FOXP1: variants seen among roughly 807,000 people sequenced by gnomAD.
FOXP1 encodes forkhead box P1.
A neutral mutation model predicts 98.2 loss-of-function variants in FOXP1; 15 were observed. The ratio of observed to expected loss-of-function variants is 0.15; its 90% CI spans 0.10 to 0.24. The LOEUF (loss-of-function observed/expected upper bound fraction) is 0.24, where lower values mean the gene tolerates loss of function less well. FOXP1 is among the 10% of genes least tolerant of loss of function. FOXP1 has a pLI of 1.00. For missense variants in FOXP1, 633 were observed against 848.5 expected, an observed-to-expected ratio of 0.75 and a Z score of 3.15; for synonymous variants, 371 against 314.5, an observed-to-expected ratio of 1.18 and a Z score of -1.90.
chr3:71,039,236 T>A (rs2048008998), intron 11 of FOXP1, among the ~76,000 whole-genome samples: 1 of 152,180 alleles, frequency 6.6e-6, no homozygotes, highest in Admixed American at 6.5e-5. Context: ...CATTGGAATC[T>A]GAATTCTTTT....
intron 3 of FOXP1, among the ~76,000 whole-genome samples, chr3:71,449,891 A>C (rs771551623): frequency 6.6e-6 from 1 of 152,232 alleles, no homozygotes; most frequent in Non-Finnish European, 1.5e-5. Flanking sequence ...AATCTCACAT[A>C]GGTCTATGAA....
chr3:71,430,834 G>A (rs2084642321), intron 3 of FOXP1, among the ~76,000 whole-genome samples: 1 of 152,126 alleles, frequency 6.6e-6, no homozygotes, highest in Non-Finnish European at 1.5e-5. Flanking sequence ...GAGGCGGCGG[G>A]GGGCAGGCCC....
In FOXP1 at chr3:71,182,047, A is replaced by AG. The variant is rs1270873332; in HGVS notation, c.180+16154_180+16155insC. On this transcript the variant is annotated intron_variant, in intron 6 of 20. Coordinates refer to ENST00000649528, the MANE Select transcript of FOXP1 (RefSeq NM_001349338.3). ...GAGACTCCATCTCAAAAAAAAGAAA[A>AG]AAAAGAAAAAAAAAGAAAAAGAAAA... is the stretch of plus-strand genomic sequence containing the variant. Among the ~76,000 whole-genome samples the AG allele has an allele frequency of 4.1e-4, 49 of 118,436 alleles. 3 individuals carry two copies. The highest frequency in any genetic ancestry group is 1.4e-3 in the African/African-American group (41 of 28,782). 77.7% of individuals were successfully genotyped at this position (118,436 alleles called of 152,430 possible).
At chr3:71,338,548 C>T (rs538828491) in intron 4 of FOXP1, among the ~76,000 whole-genome samples, 50 of 152,296 alleles carry the variant, frequency 3.3e-4, no homozygotes, top group African/African-American at 1.2e-3. Flanking sequence ...CTGCCCCAGC[C>T]TCCCAAGTAG....
chr3:71,079,507 A>G (rs2054184526), intron 7 of FOXP1, among the ~76,000 whole-genome samples: 2 of 152,058 alleles, frequency 1.3e-5, no homozygotes, highest in African/African-American at 4.8e-5. Context: ...GACACAGACA[A>G]TTTCTATTAT....
intron 2 of FOXP1, among the ~76,000 whole-genome samples, chr3:71,506,643 G>A (rs1340648847): frequency 1.3e-5 from 2 of 152,126 alleles, no homozygotes; most frequent in East Asian, 3.9e-4. Context: ...CCTAGGACAA[G>A]AGCAGGAAGC....
chr3:71,052,541 T>C lies in FOXP1; in HGVS notation c.506A>G (p.Lys169Arg). Residue 169 changes from lysine (K) to arginine (R), a missense_variant, in exon 9 of 21, where the codon AAA becomes AGA. Coordinates refer to ENST00000649528, the MANE Select transcript of FOXP1 (RefSeq NM_001349338.3). ...LQQQHAGKQP[K>R]EQQQVATQQL... ...TAAAATATGTATTGTCGGTACCTCT[T>C]TAGGCTGTTTTCCAGCATGTTGTTG... is the stretch of plus-strand genomic sequence containing the variant. The C allele has an allele frequency of 8.0e-7, 1 of 1,243,706 alleles. No individual in the cohort carries two copies. The highest frequency in any genetic ancestry group is 1.2e-5 in the South Asian group (1 of 83,702). 77.0% of individuals were successfully genotyped at this position (1,243,706 alleles called of 1,614,324 possible). A position where few individuals can be genotyped will look rare whatever the true frequency, so the allele number is the denominator to read the frequency against.
chr3:70,995,321 C>T (rs183039352), intron 13 of FOXP1, among the ~76,000 whole-genome samples: 2 of 152,280 alleles, frequency 1.3e-5, no homozygotes, highest in East Asian at 1.9e-4. Context: ...TCCTCAACAA[C>T]TTTCTAGTTC....
chr3:71,341,271 AGAAAT>A (rs1225990402), intron 4 of FOXP1, among the ~76,000 whole-genome samples: 2 of 152,260 alleles, frequency 1.3e-5, no homozygotes, highest in African/African-American at 4.8e-5. Context: ...CCAATTACAA[AGAAAT>A]GAAATTAGAA....
chr3:71,319,811 C>T (rs184798658), intron 4 of FOXP1, among the ~76,000 whole-genome samples: 2 of 152,306 alleles, frequency 1.3e-5, no homozygotes, highest in East Asian at 1.9e-4. Context: ...CAACCTTCTT[C>T]AGCACCCTCT....
chr3:71,233,971 C>A (rs1299999246), intron 5 of FOXP1, among the ~76,000 whole-genome samples: 1 of 152,020 alleles, frequency 6.6e-6, no homozygotes, highest in Non-Finnish European at 1.5e-5. Flanking sequence ...CCGTTATTAT[C>A]TGGGGTGGGA....
intron 13 of FOXP1, among the ~76,000 whole-genome samples, chr3:70,995,345 C>T (rs1378302276): frequency 6.6e-6 from 1 of 152,080 alleles, no homozygotes; most frequent in African/African-American, 2.4e-5. Flanking sequence ...TGTCTCTGTC[C>T]CTCTGTCATG....
intron 11 of FOXP1, among the ~76,000 whole-genome samples, chr3:71,032,911 G>A (rs2047064820): frequency 6.6e-6 from 1 of 152,046 alleles, no homozygotes; most frequent in African/African-American, 2.4e-5. Flanking sequence ...TGCACTTTTG[G>A]TTGGTTTCAA....
intron 7 of FOXP1, among the ~76,000 whole-genome samples, chr3:71,106,612 T>C (rs2687767): frequency 0.97 from 147,204 of 151,568 alleles, 71,519 homozygotes; most frequent in South Asian, 0.99. Context: ...GCGTGAGCCA[T>C]TGCACCCGGC....
rs1484747848 is a variant in FOXP1 at position 71,396,920 on chromosome 3, A to G, written c.-167-37676T>C. On this transcript the variant is annotated intron_variant, in intron 3 of 20. Transcript: ENST00000649528. Reference sequence around the variant, plus strand: ...TCATAAGGAACATATATATGTGTGTATATATATATATATACACATATATAT... The same window carrying G: ...TCATAAGGAACATATATATGTGTGTGTATATATATATATACACATATATAT... Among the ~76,000 whole-genome samples, 50 of 80,278 alleles carry G rather than the reference A, an allele frequency of 6.2e-4. 1 individual carries two copies. The highest frequency in any genetic ancestry group is 2.6e-3 in the East Asian group (12 of 4,640). The allele number at this position is 80,278 out of a possible 152,430, so 52.7% of individuals were successfully genotyped here.
chr3:71,177,353 A>G (rs769305652), intron 6 of FOXP1, among the ~76,000 whole-genome samples: 3 of 152,252 alleles, frequency 2.0e-5, no homozygotes, highest in Non-Finnish European at 4.4e-5. Context: ...GCTGCTGTCT[A>G]TGGGAATACT....
rs144090603 is a variant in FOXP1 at position 71,529,891 on chromosome 3, T to C, written c.-297-36336A>G. 3.4e-3 allele frequency among the ~76,000 whole-genome samples: 514 copies of C among 152,278 alleles called. 1 individual carries two copies. The highest frequency in any genetic ancestry group is 0.011 in the African/African-American group (465 of 41,538). On this transcript the variant is annotated intron_variant, in intron 2 of 20. Coordinates refer to ENST00000649528, the MANE Select transcript of FOXP1 (RefSeq NM_001349338.3). ...TAAACCTAAGTGTTTCCTAGAGTTG[T>C]GTAAGCTATTCTAATTAGTGACTGA...
intron 3 of FOXP1, among the ~76,000 whole-genome samples, chr3:71,456,181 T>C (rs2087474329): frequency 6.6e-6 from 1 of 152,176 alleles, no homozygotes; most frequent in South Asian, 2.1e-4. Flanking sequence ...ATATGGGGCA[T>C]ACTTTTTGAA....
intron 18 of FOXP1, chr3:70,972,022 C>G: frequency 7.0e-7 from 1 of 1,436,256 alleles, no homozygotes; most frequent in Non-Finnish European, 9.1e-7. Flanking sequence ...GTGCGACAAG[C>G]TCGTCAAAGT....
Sources: allele counts gnomAD v4.1 joint callset (sites outside exome capture counted in the v4.1 genomes callset), GRCh38; gene constraint gnomAD v4.1.1; transcripts MANE v1.5; gene names NCBI Gene and HGNC (gene_info 2026-07-23, HGNC 2026-07-21).